Variants in EXOC4 observed in about 807,000 individuals in gnomAD.
EXOC4 encodes the protein SEC8-like 1.
In EXOC4, 71 loss-of-function variants were observed where a neutral mutation model predicts 107.2. That is an observed-to-expected ratio of 0.66 (90% confidence interval 0.55 to 0.81). The LOEUF (loss-of-function observed/expected upper bound fraction) is 0.81, where lower values mean the gene tolerates loss of function less well. Among genes scored for constraint, EXOC4 ranks in the 30% least tolerant of loss-of-function variants. The probability of loss-of-function intolerance (pLI) is 0.00; values close to 1 mark genes in which losing one functional copy is unlikely to be tolerated. For missense variants in EXOC4, 1,108 were observed against 1,189.6 expected, an observed-to-expected ratio of 0.93 and a Z score of 1.01; for synonymous variants, 456 against 441.2, an observed-to-expected ratio of 1.03 and a Z score of -0.42.
chr7:133,415,202 A>C (rs1170214970), intron 7 of EXOC4, among the ~76,000 whole-genome samples: 1 of 140,868 alleles, frequency 7.1e-6, no homozygotes, highest in Non-Finnish European at 1.6e-5. Flanking sequence ...GGTTGTTTTC[A>C]CTTTGTAGCT....
In EXOC4 at chr7:134,064,670, G is replaced by C. The variant is rs911943630; in HGVS notation, c.*142G>C. ...GGAGGTGTAAGGATTCTTTCTCTCT[G>C]GTTTTGGCTTTTCATATAAATGCTA... On this transcript the variant is annotated 3_prime_UTR_variant, in exon 18 of 18. Transcript: ENST00000253861. The C allele has an allele frequency of 1.1e-5, 6 of 562,502 alleles. No homozygotes were observed. The Admixed American group carries it at 1.1e-4, about 11-fold the overall frequency. 34.8% of individuals were successfully genotyped at this position (562,502 alleles called of 1,614,324 possible).
At chr7:134,043,737 G>C (rs535992392) in intron 17 of EXOC4, among the ~76,000 whole-genome samples, 1 of 152,264 alleles carries the variant, frequency 6.6e-6, no homozygotes, top group Admixed American at 6.5e-5. Flanking sequence ...GGGGAGGTTT[G>C]GAGGTGGCAA....
chr7:134,005,785 A>C (rs1288181366), intron 16 of EXOC4, among the ~76,000 whole-genome samples: 2 of 152,226 alleles, frequency 1.3e-5, no homozygotes, highest in African/African-American at 2.4e-5. Context: ...TCACAGAATT[A>C]AACTAGTATT....
the EXOC4 span, among the ~76,000 whole-genome samples, chr7:134,081,599 AT>A: frequency 6.6e-6 from 1 of 152,208 alleles, no homozygotes; most frequent in South Asian, 2.1e-4. Context: ...GTCAATAAAT[AT>A]TTTTAGAATG....
intron 17 of EXOC4, among the ~76,000 whole-genome samples, chr7:134,056,403 C>G: frequency 6.6e-6 from 1 of 152,180 alleles, no homozygotes; most frequent in East Asian, 1.9e-4. Context: ...GAGGGTAATT[C>G]TATTCACTCT....
At chr7:134,053,082 T>C (rs1795833954) in intron 17 of EXOC4, among the ~76,000 whole-genome samples, 1 of 152,096 alleles carries the variant, frequency 6.6e-6, no homozygotes, top group Non-Finnish European at 1.5e-5. Flanking sequence ...CAGCATTCAC[T>C]AGTTACCGTC....
At chr7:133,834,162 TATTCTTTA>T (rs1797869593) in intron 11 of EXOC4, among the ~76,000 whole-genome samples, 1 of 152,202 alleles carries the variant, frequency 6.6e-6, no homozygotes, top group Non-Finnish European at 1.5e-5. Context: ...ATCAATCTTT[TATTCTTTA>T]ATTCATAATA....
At chr7:133,260,835 G>A (rs966456090) in intron 1 of EXOC4, among the ~76,000 whole-genome samples, 24 of 152,110 alleles carry the variant, frequency 1.6e-4, no homozygotes, top group African/African-American at 5.5e-4. Context: ...AGGTTTATAT[G>A]TCTTTGGTCA....
intron 17 of EXOC4, among the ~76,000 whole-genome samples, chr7:134,041,364 T>C (rs1431208328): frequency 6.6e-6 from 1 of 152,190 alleles, no homozygotes; most frequent in Non-Finnish European, 1.5e-5. Context: ...CTATATGCAG[T>C]AAAAATGCAA....
chr7:134,091,963 C>T, the EXOC4 span, among the ~76,000 whole-genome samples: 4 of 152,174 alleles, frequency 2.6e-5, no homozygotes, highest in Non-Finnish European at 5.9e-5. Flanking sequence ...CATATTTAGA[C>T]TTGGGTCCCA....
intron 7 of EXOC4, among the ~76,000 whole-genome samples, chr7:133,466,079 G>A (rs765037093): frequency 2.0e-5 from 3 of 151,936 alleles, no homozygotes; most frequent in African/African-American, 4.8e-5. Flanking sequence ...GGAGGTTGCA[G>A]TGAGCTGAGA....
intron 7 of EXOC4, among the ~76,000 whole-genome samples, chr7:133,403,329 G>A (rs1003817340): frequency 2.0e-5 from 3 of 152,172 alleles, no homozygotes; most frequent in African/African-American, 7.2e-5. Context: ...ACCCTTAAGG[G>A]ACTGTAGTCA....
At chr7:133,726,906 C>G in intron 10 of EXOC4, among the ~76,000 whole-genome samples, 1 of 152,260 alleles carries the variant, frequency 6.6e-6, no homozygotes, top group South Asian at 2.1e-4. Context: ...ATAAACAGAC[C>G]TGTTTTCAAA....
the EXOC4 span, among the ~76,000 whole-genome samples, chr7:134,086,961 A>G: frequency 2.6e-5 from 4 of 152,128 alleles, no homozygotes; most frequent in Admixed American, 2.6e-4. Flanking sequence ...AGTGAGGACG[A>G]CCAGAAGTCA....
chr7:133,406,666 A>T (rs940533537), intron 7 of EXOC4, among the ~76,000 whole-genome samples: 8 of 152,264 alleles, frequency 5.3e-5, no homozygotes. Context: ...ATTACAGCAC[A>T]TAAATAAAAT....
chr7:133,338,332 G>A (rs1207649678), intron 5 of EXOC4, among the ~76,000 whole-genome samples: 5 of 151,332 alleles, frequency 3.3e-5, no homozygotes, highest in South Asian at 2.1e-4. Context: ...GGTGGCTCAC[G>A]CCTGTAATCC....
intron 10 of EXOC4, among the ~76,000 whole-genome samples, chr7:133,742,044 T>A (rs986582981): frequency 6.6e-6 from 1 of 152,232 alleles, no homozygotes; most frequent in Non-Finnish European, 1.5e-5. Flanking sequence ...GTTGTTATTA[T>A]AATACACTTT....
At chr7:134,047,273 G>A (rs1287892051) in intron 17 of EXOC4, among the ~76,000 whole-genome samples, 3 of 151,706 alleles carry the variant, frequency 2.0e-5, no homozygotes, top group South Asian at 2.1e-4. Context: ...ATACTTTTTC[G>A]TCCTAAAAAA....
At chr7:133,666,903 A>G (rs1017448789) in intron 10 of EXOC4, among the ~76,000 whole-genome samples, 1 of 152,068 alleles carries the variant, frequency 6.6e-6, no homozygotes, top group African/African-American at 2.4e-5. Flanking sequence ...ATTTTTGTTT[A>G]TTTAGAGGGT....
Sources: allele counts gnomAD v4.1 joint callset (sites outside exome capture counted in the v4.1 genomes callset), GRCh38; gene constraint gnomAD v4.1.1; transcripts MANE v1.5; gene names NCBI Gene and HGNC (gene_info 2026-07-23, HGNC 2026-07-21).